Variants in TRRAP observed in about 807,000 individuals in gnomAD.
The protein encoded by TRRAP is transformation/transcription domain-associated protein.
A neutral mutation model predicts 438.8 loss-of-function variants in TRRAP; 41 were observed. The observed-to-expected ratio is 0.09, with a 90% confidence interval of 0.07 to 0.12. The LOEUF (loss-of-function observed/expected upper bound fraction) is 0.12. TRRAP is among the 10% of genes least tolerant of loss of function. The probability of loss-of-function intolerance (pLI) is 1.00; values close to 1 mark genes in which losing one functional copy is unlikely to be tolerated. For synonymous variants in TRRAP, 1,994 were observed against 1,962.9 expected, an observed-to-expected ratio of 1.02 and a Z score of -0.42; for missense variants, 3,122 against 5,055.1, an observed-to-expected ratio of 0.62 and a Z score of 11.60.
In TRRAP at chr7:98,953,150, C is replaced by T. The variant is rs1430373294; in HGVS notation, c.5464-17C>T. ...GTTCACAACTGGAAATGAGTCCTTC[C>T]TGCTGTCCCTGCACAGGTCCTGGAC... On this transcript the variant is annotated splice_polypyrimidine_tract_variant and intron_variant, in intron 39 of 72. Coordinates refer to ENST00000456197, the MANE Select transcript of TRRAP (RefSeq NM_001375524.1). 1.2e-6 allele frequency: 2 copies of T among 1,603,660 alleles called. No individual in the cohort carries two copies. Among genetic ancestry groups the T allele is most frequent in the African/African-American group, 2.7e-5 (2 of 74,274 alleles).
chr7:98,917,821 G>C (rs1235907618), intron 20 of TRRAP, 142 bp downstream of exon 20: 2 of 1,231,460 alleles, frequency 1.6e-6, no homozygotes, highest in Non-Finnish European at 2.2e-6. Flanking sequence ...TCTTCTGGTG[G>C]ATTGAAATAT....
chr7:98,957,838 A>C (rs529399251), intron 43 of TRRAP, 143 bp from the exon 44 acceptor site: 49 of 711,738 alleles, frequency 6.9e-5, no homozygotes, highest in South Asian at 6.9e-4. Flanking sequence ...CACAGACCAC[A>C]TCTGTCTTTG....
At chr7:98,995,504 C>G (rs1394816786) in intron 67 of TRRAP, among the ~76,000 whole-genome samples, 1 of 152,070 alleles carries the variant, frequency 6.6e-6, no homozygotes. Context: ...CAATGCTTGT[C>G]TGTAGTTCAG....
chr7:98,895,823 A>T lies in TRRAP; in HGVS notation c.507+3A>T. The T allele has an allele frequency of 1.2e-6, 2 of 1,601,092 alleles. No individual in the cohort carries two copies. The highest frequency in any genetic ancestry group is 1.7e-6 in the Non-Finnish European group (2 of 1,174,130). ...ACAAGGAGCTTCCAAAAGTAGTGGT[A>T]TGTTTTTACTTTGGTTTTAATTAGT... On this transcript the variant is annotated splice_donor_region_variant and intron_variant, in intron 7 of 72. Transcript: ENST00000456197.
chr7:98,894,783 GTTTTTTTTTTTTTT>G (rs56407045), intron 6 of TRRAP, among the ~76,000 whole-genome samples: 1 of 87,418 alleles, frequency 1.1e-5, no homozygotes, highest in Non-Finnish European at 2.0e-5. Flanking sequence ...CCAGCTAATG[GTTTTTTTTTTTTTT>G]TTTTTTTTTT....
At chr7:98,910,753 A>T in intron 16 of TRRAP, 146 bp downstream of exon 16, 1 of 709,560 alleles carries the variant, frequency 1.4e-6, no homozygotes, top group East Asian at 2.8e-5. Flanking sequence ...GTTCCACAAC[A>T]TAGCACTGCG....
Position 98,990,623 on chromosome 7 carries a change from G to A in TRRAP, c.9756+4G>A. On this transcript the variant is annotated splice_donor_region_variant and intron_variant, in intron 64 of 72. Transcript: ENST00000456197. ...GCTCTTGAACCTCATTAGCCAGGTG[G>A]GAAGAGCAGGGTGGCCTTGTTCACG... 3 of 1,608,378 alleles carry A rather than the reference G, an allele frequency of 1.9e-6. No individual in the cohort carries two copies. The highest frequency in any genetic ancestry group is 2.6e-6 in the Non-Finnish European group (3 of 1,175,244).
intron 26 of TRRAP, among the ~76,000 whole-genome samples, chr7:98,932,710 C>T (rs1371658772): frequency 6.6e-6 from 1 of 152,136 alleles, no homozygotes; most frequent in Non-Finnish European, 1.5e-5. Flanking sequence ...TTCTAGATTA[C>T]TTATAATACC....
intron 51 of TRRAP, among the ~76,000 whole-genome samples, chr7:98,968,597 T>TA (rs1258551322): frequency 2.6e-5 from 4 of 152,168 alleles, no homozygotes; most frequent in Non-Finnish European, 5.9e-5. Context: ...TGTGGCAGGT[T>TA]ACCAGTGCTG....
chr7:98,935,111 C>T (rs1338569316), intron 27 of TRRAP, among the ~76,000 whole-genome samples: 2 of 151,912 alleles, frequency 1.3e-5, no homozygotes, highest in Admixed American at 6.6e-5. Flanking sequence ...TGATGTTCAG[C>T]TTCCTACTTT....
chr7:98,909,824 C>T (rs1554408307), intron 14 of TRRAP, among the ~76,000 whole-genome samples: 2 of 152,116 alleles, frequency 1.3e-5, no homozygotes, highest in African/African-American at 2.4e-5. Context: ...AAAGGAGGTG[C>T]CCAGATGTTA....
At chr7:98,953,131 A>G (rs781952700) in intron 39 of TRRAP, 36 bp from the exon 40 acceptor site, 3 of 1,601,356 alleles carry the variant, frequency 1.9e-6, no homozygotes, top group Middle Eastern at 3.3e-4. Flanking sequence ...CCCAGTTCAC[A>G]ACTGGAAATG....
intron 21 of TRRAP, 131 bp downstream of exon 21, chr7:98,922,084 C>A: frequency 7.8e-7 from 1 of 1,284,392 alleles, no homozygotes; most frequent in Non-Finnish European, 1.1e-6. Flanking sequence ...GGTGATCGGC[C>A]TGGTTGGCAC....
rs1217818745 is a variant in TRRAP, at chr7:98,903,657, C to G, written c.1036+140C>G. On this transcript the variant is annotated intron_variant, in intron 12 of 72. Transcript: ENST00000456197. Reference sequence around the variant, plus strand: ...CATTGCTGTCTTGGGTTCATTCTTTCCCCTCTTTTCTCTCCCTCTCTGCCT... The same window carrying G: ...CATTGCTGTCTTGGGTTCATTCTTTGCCCTCTTTTCTCTCCCTCTCTGCCT... The G allele has an allele frequency of 1.1e-5, 13 of 1,230,182 alleles. No individual in the cohort carries two copies. In the African/African-American group the frequency reaches 2.0e-4, roughly 19 times the overall value. 76.2% of individuals were successfully genotyped at this position (1,230,182 alleles called of 1,614,324 possible).
chr7:98,961,611 T>A, intron 46 of TRRAP, 137 bp downstream of exon 46: 1 of 1,105,210 alleles, frequency 9.0e-7, no homozygotes, highest in Non-Finnish European at 1.3e-6. Context: ...AACTTTCTTT[T>A]AAAAACTGAC....
chr7:99,010,889 C>G (rs762126321), intron 70 of TRRAP, among the ~76,000 whole-genome samples, 163 bp from the exon 71 acceptor site: 1 of 152,190 alleles, frequency 6.6e-6, no homozygotes, highest in Non-Finnish European at 1.5e-5. Context: ...TCTTGTGCCT[C>G]CTCGCCTTCA....
chr7:98,921,348 A>G (rs954401818), intron 20 of TRRAP, among the ~76,000 whole-genome samples: 2 of 152,092 alleles, frequency 1.3e-5, no homozygotes, highest in African/African-American at 4.8e-5. Flanking sequence ...GGTGGGAGGA[A>G]GGATTGTTGC....
chr7:98,919,979 G>A (rs1789706758), intron 20 of TRRAP, among the ~76,000 whole-genome samples: 2 of 152,222 alleles, frequency 1.3e-5, no homozygotes, highest in Admixed American at 1.3e-4. Flanking sequence ...CAAGGGTTGG[G>A]TGGGCCTGGT....
rs566078781 is a variant in TRRAP at position 99,012,619 on chromosome 7, C to T, written c.*264C>T. 2 of 487,290 alleles carry T rather than the reference C, an allele frequency of 4.1e-6. No homozygotes were observed. The highest frequency in any genetic ancestry group is 7.2e-6 in the Non-Finnish European group (2 of 278,142). The allele number at this position is 487,290 out of a possible 1,614,324, so 30.2% of individuals were successfully genotyped here. A position where few individuals can be genotyped will look rare whatever the true frequency, so the allele number is the denominator to read the frequency against. ...GCTTTCAAAATAATCTTTTAAGAAG[C>T]CAGGATTCTCCGGTCTGGAATTTCT... On this transcript the variant is annotated 3_prime_UTR_variant, in exon 73 of 73. Transcript: ENST00000456197. This position sits in a 1 kb window ranked among gnomAD's most constrained non-coding sequence, Gnocchi z 5.9.
Sources: allele counts gnomAD v4.1 joint callset (sites outside exome capture counted in the v4.1 genomes callset), GRCh38; gene constraint gnomAD v4.1.1; non-coding constraint Gnocchi (gnomAD v3.1); transcripts MANE v1.5; gene names NCBI Gene and HGNC (gene_info 2026-07-23, HGNC 2026-07-21).